Variants in SNTG1 observed in about 807,000 individuals in gnomAD.
SNTG1 encodes syntrophin gamma 1, also known as gamma-1-syntrophin.
In SNTG1, 39 loss-of-function variants were observed where a neutral mutation model predicts 74.7. That is an observed-to-expected ratio of 0.52 (90% CI 0.40 to 0.68). SNTG1 has a LOEUF of 0.68. Ranked by LOEUF, SNTG1 falls within the 30% of genes least tolerant of loss-of-function variation. The pLI is 0.00. For missense variants in SNTG1, 685 were observed against 609.5 expected (o/e 1.12, Z -1.30); for synonymous variants, 254 against 217.1 (o/e 1.17, Z -1.49).
intron 8 of SNTG1, among the ~76,000 whole-genome samples, chr8:50,487,698 G>GC (rs201997485): frequency 0.055 from 8,208 of 150,120 alleles, 357 homozygotes; most frequent in South Asian, 0.18. Flanking sequence ...GGGGTCGGAG[G>GC]GGGGGGAGGG....
chr8:50,613,254 C>T (rs1585847235), intron 13 of SNTG1, among the ~76,000 whole-genome samples: 2 of 152,108 alleles, frequency 1.3e-5, no homozygotes, highest in Non-Finnish European at 1.5e-5. Flanking sequence ...AGACTAGAAA[C>T]GTAGGGTATT....
chr8:50,050,338 T>C (rs747412234), intron 1 of SNTG1, among the ~76,000 whole-genome samples: 6 of 151,878 alleles, frequency 4.0e-5, no homozygotes, highest in Non-Finnish European at 5.9e-5. Flanking sequence ...GCTTACAAAT[T>C]TGATAACCTA....
Position 50,013,154 on chromosome 8 carries a change from C to T in SNTG1, c.-103+100923C>T, listed in dbSNP as rs183592797. 9.2e-4 allele frequency among the ~76,000 whole-genome samples: 140 copies of T among 152,212 alleles called. 1 individual carries two copies. Among genetic ancestry groups the T allele is most frequent in the African/African-American group, 2.8e-3 (118 of 41,538 alleles). On this transcript the variant is annotated intron_variant, in intron 1 of 18. Coordinates refer to ENST00000642720, the MANE Select transcript of SNTG1 (RefSeq NM_018967.5). Reference sequence around the variant, plus strand: ...ATTTGTTAAATGAATCAATAAATAACGGATTTGCAAATCTTTATACTGTAG... The same window carrying T: ...ATTTGTTAAATGAATCAATAAATAATGGATTTGCAAATCTTTATACTGTAG...
At chr8:50,356,857 G>T (rs1386557102) in intron 2 of SNTG1, among the ~76,000 whole-genome samples, 1 of 152,084 alleles carries the variant, frequency 6.6e-6, no homozygotes, top group Non-Finnish European at 1.5e-5. Flanking sequence ...TAACTCATTG[G>T]GATTCATGGA....
At chr8:50,651,756 CTTAT>C (rs775197687) in intron 13 of SNTG1, among the ~76,000 whole-genome samples, 3 of 150,258 alleles carry the variant, frequency 2.0e-5, no homozygotes, top group Admixed American at 6.7e-5. Context: ...CTCACCTGGG[CTTAT>C]TTATTTATTT....
chr8:50,395,370 C>T (rs771659771), intron 3 of SNTG1, among the ~76,000 whole-genome samples: 1 of 152,036 alleles, frequency 6.6e-6, no homozygotes, highest in Non-Finnish European at 1.5e-5. Context: ...TTCTCATGTG[C>T]TACACTGAAT....
At chr8:50,414,924 TG>T (rs1360045742) in intron 4 of SNTG1, among the ~76,000 whole-genome samples, 1 of 152,164 alleles carries the variant, frequency 6.6e-6, no homozygotes, top group African/African-American at 2.4e-5. Flanking sequence ...CATAGTTCAC[TG>T]TGGCAAAATT....
intron 12 of SNTG1, among the ~76,000 whole-genome samples, chr8:50,571,910 T>C (rs956117320): frequency 1.3e-5 from 2 of 152,136 alleles, no homozygotes; most frequent in African/African-American, 4.8e-5. Context: ...CATTCTAAAA[T>C]GGAGCTTCAA....
intron 1 of SNTG1, among the ~76,000 whole-genome samples, chr8:50,057,911 C>T (rs1217593589): frequency 6.6e-6 from 1 of 152,112 alleles, no homozygotes; most frequent in Non-Finnish European, 1.5e-5. Flanking sequence ...ATATGTTTTT[C>T]AGACAGTGAT....
chr8:50,296,968 G>A (rs564431449), intron 2 of SNTG1, among the ~76,000 whole-genome samples: 4 of 152,240 alleles, frequency 2.6e-5, no homozygotes, highest in African/African-American at 9.6e-5. Context: ...TTGTTCATCA[G>A]TTCAACTCTA....
intron 1 of SNTG1, among the ~76,000 whole-genome samples, chr8:50,042,433 C>T (rs961322438): frequency 1.3e-5 from 2 of 152,150 alleles, no homozygotes; most frequent in East Asian, 3.8e-4. Context: ...GGGCTGGGAG[C>T]TCCTGTAGTC....
chr8:50,294,775 A>G (rs1049847947), intron 2 of SNTG1, among the ~76,000 whole-genome samples: 5 of 152,196 alleles, frequency 3.3e-5, no homozygotes, highest in African/African-American at 9.6e-5. Flanking sequence ...AGCCAAATTG[A>G]CAATAAAATT....
At chr8:50,550,425 T>C (rs1475907789) in intron 11 of SNTG1, among the ~76,000 whole-genome samples, 2 of 152,180 alleles carry the variant, frequency 1.3e-5, no homozygotes, top group African/African-American at 4.8e-5. Flanking sequence ...TTAGAAATGA[T>C]ATATATTTAT....
chr8:50,263,896 A>C (rs954097320), intron 2 of SNTG1, among the ~76,000 whole-genome samples: 2 of 152,190 alleles, frequency 1.3e-5, no homozygotes, highest in Non-Finnish European at 2.9e-5. Flanking sequence ...ACATTCAAGA[A>C]CACATGAAAC....
At chr8:50,541,113 T>G (rs1466926764) in intron 11 of SNTG1, among the ~76,000 whole-genome samples, 1 of 152,126 alleles carries the variant, frequency 6.6e-6, no homozygotes, top group Admixed American at 6.6e-5. Context: ...AAATTGAATA[T>G]TCACGTGCAC....
rs28766432 is a variant in SNTG1, at chr8:50,030,965, A to G, written c.-103+118734A>G. On this transcript the variant is annotated intron_variant, in intron 1 of 18. Coordinates refer to ENST00000642720, the MANE Select transcript of SNTG1 (RefSeq NM_018967.5). ...TTTACTATGTTGAGTATTCTAATCC[A>G]TGGATGTGGCATTTTTTAATTTAGT... is the stretch of plus-strand genomic sequence containing the variant. Among the ~76,000 whole-genome samples, 676 of 152,070 alleles carry G rather than the reference A, an allele frequency of 4.4e-3. 6 individuals carry two copies. Among genetic ancestry groups the G allele is most frequent in the African/African-American group, 0.016 (653 of 41,562 alleles).
intron 1 of SNTG1, among the ~76,000 whole-genome samples, chr8:50,132,300 T>A (rs1451169377): frequency 6.6e-6 from 1 of 152,124 alleles, no homozygotes; most frequent in Non-Finnish European, 1.5e-5. Context: ...CAACTCTAAG[T>A]CTGAAATCTT....
chr8:50,286,735 G>A (rs970016556), intron 2 of SNTG1: 1 of 152,204 alleles, frequency 6.6e-6, no homozygotes, highest in Non-Finnish European at 1.5e-5. Context: ...TGGGGAATTT[G>A]TTGCTGTGTT....
At chr8:50,061,402 CT>C (rs1367108566) in intron 1 of SNTG1, among the ~76,000 whole-genome samples, 1 of 151,950 alleles carries the variant, frequency 6.6e-6, no homozygotes, top group Non-Finnish European at 1.5e-5. Context: ...TCATTCGTGT[CT>C]TCTAATTTTT....
Sources: allele counts gnomAD v4.1 joint callset (sites outside exome capture counted in the v4.1 genomes callset), GRCh38; gene constraint gnomAD v4.1.1; transcripts MANE v1.5; gene names NCBI Gene and HGNC (gene_info 2026-07-23, HGNC 2026-07-21).